CELF1: variants seen among roughly 807,000 people sequenced by gnomAD.
CELF1 encodes the protein CUGBP Elav-like family member 1, also known as 50 kDa nuclear polyadenylated RNA-binding protein.
In CELF1, 10 loss-of-function variants were observed where a neutral mutation model predicts 61.8. The ratio of observed to expected loss-of-function variants is 0.16; its 90% CI spans 0.10 to 0.27. The LOEUF is 0.27. CELF1 is among the 10% of genes least tolerant of loss of function. The probability of loss-of-function intolerance (pLI) is 1.00; values close to 1 mark genes in which losing one functional copy is unlikely to be tolerated. For synonymous variants in CELF1, 236 were observed against 225.1 expected (o/e 1.05, Z -0.43); for missense variants, 380 against 639.1 (o/e 0.59, Z 4.37).
At chr11:47,548,028 C>T (rs1414767469) in intron 1 of CELF1, among the ~76,000 whole-genome samples, 11 of 151,956 alleles carry the variant, frequency 7.2e-5, no homozygotes, top group Admixed American at 3.3e-4. Flanking sequence ...GGGCCGGGCA[C>T]GGTGGCTCAA....
Position 47,468,949 on chromosome 11 carries a change from A to G in CELF1, c.*3281T>C, listed in dbSNP as rs1424482901. 2 of 152,240 alleles carry G rather than the reference A, an allele frequency of 1.3e-5. No individual in the cohort carries two copies. The highest frequency in any genetic ancestry group is 2.9e-5 in the Non-Finnish European group (2 of 68,040). 9.4% of individuals were successfully genotyped at this position (152,240 alleles called of 1,614,324 possible). On this transcript the variant is annotated 3_prime_UTR_variant, in exon 15 of 15. Coordinates refer to ENST00000687097, the MANE Select transcript of CELF1 (RefSeq NM_001376376.1). ...CCCACTGAGTTACACAGAGCAATAC[A>G]TCCAAACAAAGAGAGAGAGAACAGG...
At chr11:47,507,618 A>G (rs2153583316) in intron 1 of CELF1, among the ~76,000 whole-genome samples, 1 of 152,342 alleles carries the variant, frequency 6.6e-6, no homozygotes, top group South Asian at 2.1e-4. Context: ...TTCCAAATAC[A>G]ACTCCTGCCA....
intron 6 of CELF1, among the ~76,000 whole-genome samples, chr11:47,486,531 T>C: frequency 6.6e-6 from 1 of 151,938 alleles, no homozygotes; most frequent in Non-Finnish European, 1.5e-5. Context: ...TGCCTCAGCC[T>C]CCTGAGTAGC....
chr11:47,531,037 A>G (rs2096456665), intron 1 of CELF1, among the ~76,000 whole-genome samples: 2 of 152,118 alleles, frequency 1.3e-5, no homozygotes, highest in South Asian at 4.1e-4. Context: ...CCCTGAGGTC[A>G]GGAGTTTGAG....
intron 1 of CELF1, among the ~76,000 whole-genome samples, chr11:47,536,296 G>A (rs1039444535): frequency 7.9e-5 from 12 of 152,172 alleles, no homozygotes; most frequent in Non-Finnish European, 1.3e-4. Context: ...AACCCGGGAG[G>A]CGGAGGTTGC....
intron 1 of CELF1, among the ~76,000 whole-genome samples, chr11:47,520,814 G>A (rs1421196329): frequency 1.3e-5 from 2 of 151,302 alleles, no homozygotes; most frequent in East Asian, 2.0e-4. Context: ...CTCTTCCTGC[G>A]CTCCCCCCCG....
At chr11:47,517,567 T>C (rs1034750612) in intron 1 of CELF1, among the ~76,000 whole-genome samples, 1 of 152,090 alleles carries the variant, frequency 6.6e-6, no homozygotes, top group Non-Finnish European at 1.5e-5. Flanking sequence ...TATCTCTGGA[T>C]GGATAAAGAA....
At chr11:47,521,767 C>G (rs1730554489) in intron 1 of CELF1, among the ~76,000 whole-genome samples, 1 of 152,202 alleles carries the variant, frequency 6.6e-6, no homozygotes, top group African/African-American at 2.4e-5. Context: ...CATGATGATT[C>G]TATCTCTTCA....
At chr11:47,539,152 A>T (rs1033964714) in intron 1 of CELF1, among the ~76,000 whole-genome samples, 5 of 152,244 alleles carry the variant, frequency 3.3e-5, no homozygotes, top group Non-Finnish European at 7.3e-5. Flanking sequence ...TAAGTTTCCT[A>T]TCTGAAATAG....
chr11:47,549,828 T>G (rs2097091902), intron 1 of CELF1, among the ~76,000 whole-genome samples: 1 of 151,588 alleles, frequency 6.6e-6, no homozygotes, highest in Non-Finnish European at 1.5e-5. Flanking sequence ...TTGTTTTTTT[T>G]TTTTCTGAGA....
chr11:47,551,976 G>A (rs190293154), intron 1 of CELF1, among the ~76,000 whole-genome samples: 19 of 148,654 alleles, frequency 1.3e-4, no homozygotes, highest in Non-Finnish European at 2.1e-4. Context: ...TAGCGCCACT[G>A]CACTCCAGCC....
intron 1 of CELF1, among the ~76,000 whole-genome samples, chr11:47,530,227 A>T (rs1049057028): frequency 6.6e-6 from 1 of 152,182 alleles, no homozygotes. Context: ...CTGCAGCCCC[A>T]AAGATGATAT....
At chr11:47,542,241 G>A (rs565271375) in intron 1 of CELF1, among the ~76,000 whole-genome samples, 9 of 152,234 alleles carry the variant, frequency 5.9e-5, no homozygotes, top group South Asian at 2.1e-4. Flanking sequence ...ATGCTGGCAG[G>A]TGCCTATAAT....
At chr11:47,517,629 T>C (rs1408951214) in intron 1 of CELF1, among the ~76,000 whole-genome samples, 2 of 152,140 alleles carry the variant, frequency 1.3e-5, no homozygotes, top group Non-Finnish European at 1.5e-5. Flanking sequence ...ATTGTTTACA[T>C]GTGAACACGT....
At chr11:47,552,381 C>T (rs576690592) in intron 1 of CELF1, among the ~76,000 whole-genome samples, 1 of 152,360 alleles carries the variant, frequency 6.6e-6, no homozygotes, top group South Asian at 2.1e-4. Context: ...CTTTAATGTG[C>T]TCCTCCCGCT....
chr11:47,506,128 AAAAAAAAAAAT>A (rs1043400182), intron 1 of CELF1, among the ~76,000 whole-genome samples: 4 of 147,088 alleles, frequency 2.7e-5, no homozygotes, highest in African/African-American at 9.9e-5. Flanking sequence ...CGATGAGTTA[AAAAAAAAAAAT>A]TTGCAGGCTG....
chr11:47,476,332 C>G (rs1461000473), intron 12 of CELF1, among the ~76,000 whole-genome samples: 1 of 152,112 alleles, frequency 6.6e-6, no homozygotes, highest in East Asian at 1.9e-4. Flanking sequence ...TTCTATTATT[C>G]CCACTTCAAA....
At position 47,467,962 on chromosome 11, in the gene CELF1, G is replaced by A. The variant is rs973500231; in HGVS notation, c.*4268C>T. 3 of 152,148 alleles carry A rather than the reference G, an allele frequency of 2.0e-5. No individual in the cohort carries two copies. The highest frequency in any genetic ancestry group is 7.2e-5 in the African/African-American group (3 of 41,424). The allele number at this position is 152,148 out of a possible 1,614,324, so 9.4% of individuals were successfully genotyped here. A position where few individuals can be genotyped will look rare whatever the true frequency, so the allele number is the denominator to read the frequency against. On this transcript the variant is annotated 3_prime_UTR_variant, in exon 15 of 15. Coordinates refer to ENST00000687097, the MANE Select transcript of CELF1 (RefSeq NM_001376376.1). Reference sequence around the variant, plus strand: ...TTGCACAAACTATAGAAAACAGAGAGGTGAAGGTGATATATACGAAGGTGT... The same window carrying A: ...TTGCACAAACTATAGAAAACAGAGAAGTGAAGGTGATATATACGAAGGTGT...
At chr11:47,482,529 G>C in intron 9 of CELF1, 166 bp downstream of exon 9, 1 of 568,648 alleles carries the variant, frequency 1.8e-6, no homozygotes. Flanking sequence ...TATAGAGAGA[G>C]AAAGAGACTA....
Sources: allele counts gnomAD v4.1 joint callset (sites outside exome capture counted in the v4.1 genomes callset), GRCh38; gene constraint gnomAD v4.1.1; transcripts MANE v1.5; gene names NCBI Gene and HGNC (gene_info 2026-07-23, HGNC 2026-07-21).